Variants in MTMR2 observed in about 807,000 individuals in gnomAD.
MTMR2 encodes phosphatidylinositol-3,5-bisphosphate 3-phosphatase MTMR2.
A neutral mutation model predicts 86.9 loss-of-function variants in MTMR2; 55 were observed. That is an observed-to-expected ratio of 0.63 (90% confidence interval 0.51 to 0.79). The LOEUF is 0.79. Ranked by LOEUF, MTMR2 falls within the 30% of genes least tolerant of loss-of-function variation. The probability of loss-of-function intolerance (pLI) is 0.00; values close to 1 mark genes in which losing one functional copy is unlikely to be tolerated. For missense variants in MTMR2, 659 were observed against 772.3 expected (o/e 0.85, Z 1.74); for synonymous variants, 241 against 266.8 (o/e 0.90, Z 0.94).
At position 95,850,759 on chromosome 11, in the gene MTMR2, A is replaced by C; in HGVS notation, c.655-10T>G. The C allele has an allele frequency of 6.2e-7, 1 of 1,613,066 alleles. No individual in the cohort carries two copies. The highest frequency in any genetic ancestry group is 8.5e-7 in the Non-Finnish European group (1 of 1,179,142). On this transcript the variant is annotated splice_polypyrimidine_tract_variant and intron_variant, in intron 7 of 14. Transcript: ENST00000346299. Reference sequence around the variant, plus strand: ...TTTCATTTGGAATTCCCTACATGTGAAATGAAACATAAGACAAATTACTAT... The same window carrying C: ...TTTCATTTGGAATTCCCTACATGTGCAATGAAACATAAGACAAATTACTAT...
chr11:95,895,822 A>C (rs1232695929), intron 1 of MTMR2, among the ~76,000 whole-genome samples: 1 of 152,168 alleles, frequency 6.6e-6, no homozygotes, highest in African/African-American at 2.4e-5. Flanking sequence ...CCAGAGAAAA[A>C]CAAAATATAT....
chr11:95,868,246 C>G (rs1437270378), intron 2 of MTMR2, among the ~76,000 whole-genome samples: 1 of 127,972 alleles, frequency 7.8e-6, no homozygotes, highest in Non-Finnish European at 1.6e-5. Flanking sequence ...GCACTCCAGC[C>G]TAGGCAATGG....
intron 1 of MTMR2, among the ~76,000 whole-genome samples, chr11:95,905,331 G>GCGCGCGCGCGCGCACACACACA (rs928252045): frequency 2.4e-4 from 36 of 148,098 alleles, no homozygotes; most frequent in South Asian, 6.6e-4. Flanking sequence ...ACGCACCTGC[G>GCGCGCGCGCGCGCACACACACA]CACACACACA....
At chr11:95,883,287 CAAATAAATAATCAGACATA>C (rs1865400161) in intron 2 of MTMR2, among the ~76,000 whole-genome samples, 1 of 152,060 alleles carries the variant, frequency 6.6e-6, no homozygotes, top group Non-Finnish European at 1.5e-5. Context: ...CTCCAGTGAG[CAAATAAATAATCAGACATA>C]AGTTCCCTGG....
At chr11:95,884,710 G>T (rs1037470736) in intron 2 of MTMR2, among the ~76,000 whole-genome samples, 1 of 151,938 alleles carries the variant, frequency 6.6e-6, no homozygotes. Flanking sequence ...CCCCACAAAA[G>T]AAATCCACAT....
rs572055356 is a variant in MTMR2 at position 95,899,475 on chromosome 11, A to G, written c.81-11214T>C. Among the ~76,000 whole-genome samples the G allele has an allele frequency of 5.5e-4, 83 of 152,268 alleles. 2 individuals carry two copies. The South Asian group carries it at 9.5e-3, about 18-fold the overall frequency. ...TGTTCATTCATTCATTCATTCAGGC[A>G]ATGTTGATTTACTGCTTATCAGTGT... On this transcript the variant is annotated intron_variant, in intron 1 of 14. Coordinates refer to ENST00000346299, the MANE Select transcript of MTMR2 (RefSeq NM_016156.6).
chr11:95,910,098 AACAC>A (rs137969295), intron 1 of MTMR2, among the ~76,000 whole-genome samples: 10 of 148,660 alleles, frequency 6.7e-5, no homozygotes, highest in African/African-American at 1.2e-4. Context: ...TTTAAATATA[AACAC>A]ACACACACAC....
intron 2 of MTMR2, among the ~76,000 whole-genome samples, chr11:95,880,195 TG>T (rs1565370008): frequency 6.6e-6 from 1 of 152,042 alleles, no homozygotes; most frequent in Non-Finnish European, 1.5e-5. Flanking sequence ...TTTGGTGATG[TG>T]GTGAAGCAAG....
chr11:95,847,674 A>C, intron 10 of MTMR2, 40 bp downstream of exon 10: 3 of 1,510,386 alleles, frequency 2.0e-6, no homozygotes, highest in Non-Finnish European at 2.8e-6. Context: ...ACAAAGGGGT[A>C]GAGAGAGTCT....
rs978497024 is a variant in MTMR2, at chr11:95,924,033, T to G, written c.-79A>C. On this transcript the variant is annotated 5_prime_UTR_variant, in exon 1 of 15. Transcript: ENST00000346299. ...GCGGGAGAAGCGGAGGGCGGAGTGC[T>G]ACGGACCGGGGCCGCAGTCAGGCCA... The G allele has an allele frequency of 9.2e-6, 14 of 1,525,508 alleles. No homozygotes were observed. The highest frequency in any genetic ancestry group is 1.2e-5 in the Non-Finnish European group (14 of 1,125,706). The allele number at this position is 1,525,508 out of a possible 1,614,324, so 94.5% of individuals were successfully genotyped here. A position where few individuals can be genotyped will look rare whatever the true frequency, so the allele number is the denominator to read the frequency against.
Position 95,916,800 on chromosome 11 carries a change from A to G in MTMR2, c.80+7075T>C, listed in dbSNP as rs561851213. ...TATTTAAAGAGCCCAAGAGTTATTC[A>G]CACAAAGTAAGAGTCTTTGAAAGAA... On this transcript the variant is annotated intron_variant, in intron 1 of 14. Transcript: ENST00000346299. Among the ~76,000 whole-genome samples, 159 of 152,332 alleles carry G rather than the reference A, an allele frequency of 1.0e-3. 1 individual carries two copies. The highest frequency in any genetic ancestry group is 3.7e-3 in the African/African-American group (153 of 41,592).
At chr11:95,861,008 A>C (rs1864397960) in intron 5 of MTMR2, among the ~76,000 whole-genome samples, 1 of 152,016 alleles carries the variant, frequency 6.6e-6, no homozygotes, top group African/African-American at 2.4e-5. Context: ...ATACAAAAAA[A>C]AATTAGCTGG....
intron 1 of MTMR2, among the ~76,000 whole-genome samples, chr11:95,896,683 T>C (rs938191497): frequency 1.3e-5 from 2 of 151,976 alleles, no homozygotes; most frequent in Non-Finnish European, 2.9e-5. Context: ...AGGCCATCAC[T>C]AGAACATGCA....
chr11:95,897,444 G>T (rs901655259), intron 1 of MTMR2, among the ~76,000 whole-genome samples: 4 of 151,990 alleles, frequency 2.6e-5, no homozygotes, highest in African/African-American at 9.7e-5. Context: ...ATCCGATATT[G>T]TGTTTCTTAC....
chr11:95,841,511 A>G (rs902837486), intron 12 of MTMR2, 106 bp downstream of exon 12: 9 of 837,468 alleles, frequency 1.1e-5, no homozygotes, highest in African/African-American at 1.0e-4. Context: ...AGATGTTACA[A>G]GAATTTCCAT....
At chr11:95,911,152 A>G (rs1866490666) in intron 1 of MTMR2, among the ~76,000 whole-genome samples, 1 of 152,172 alleles carries the variant, frequency 6.6e-6, no homozygotes, top group Non-Finnish European at 1.5e-5. Context: ...CGAGAAACAA[A>G]GGAGATTTGA....
chr11:95,903,423 CTTAAA>C (rs1282101493), intron 1 of MTMR2, among the ~76,000 whole-genome samples: 2 of 152,148 alleles, frequency 1.3e-5, no homozygotes, highest in Non-Finnish European at 2.9e-5. Flanking sequence ...CGGAAAGCTG[CTTAAA>C]GCCAACTTTC....
In MTMR2 at chr11:95,888,216, A is replaced by G. The variant is rs1865581700; in HGVS notation, c.126T>C (p.Ala42=). 3.7e-6 allele frequency: 6 copies of G among 1,613,728 alleles called. No homozygotes were observed. Among genetic ancestry groups the G allele is most frequent in the Middle Eastern group, 1.7e-4 (1 of 6,056 alleles). Residue 42 remains alanine (A), a synonymous_variant, in exon 2 of 15, where the codon GCT becomes GCC. Transcript: ENST00000346299. Reference sequence around the variant, plus strand: ...AAATGGAATCTGATGATACAACAGAAGCTGATTTTGTATGCACTGAATTCT... The same window carrying G: ...AAATGGAATCTGATGATACAACAGAGGCTGATTTTGTATGCACTGAATTCT... ...HSENSVHTKS[A]SVVSSDSIST... is the part of the protein sequence containing the mutation.
At chr11:95,901,450 T>C (rs1866071100) in intron 1 of MTMR2, among the ~76,000 whole-genome samples, 1 of 152,188 alleles carries the variant, frequency 6.6e-6, no homozygotes, top group Admixed American at 6.5e-5. Flanking sequence ...CAGAAAGTTA[T>C]AGAATATTAA....
Sources: gnomAD v4.1 joint callset for allele counts (sites outside exome capture counted in the v4.1 genomes callset) on GRCh38, gnomAD v4.1.1 for gene constraint, MANE v1.5 for transcripts, NCBI Gene and HGNC (gene_info 2026-07-23, HGNC 2026-07-21) for gene names.